Variants in KHDRBS2 observed in about 807,000 individuals in gnomAD.
KHDRBS2 encodes KH domain-containing, RNA-binding, signal transduction-associated protein 2.
Under a neutral mutation model 44.3 loss-of-function variants are expected in KHDRBS2, and 26 were observed. The observed-to-expected ratio is 0.59, with a 90% confidence interval of 0.43 to 0.81. KHDRBS2 has a LOEUF of 0.81. KHDRBS2 is among the 40% of genes least tolerant of loss of function. The pLI is 0.00. For synonymous variants in KHDRBS2, 194 were observed against 151.1 expected (o/e 1.28, Z -2.08); for missense variants, 476 against 433.1 (o/e 1.10, Z -0.88).
At chr6:61,558,512 C>T in the KHDRBS2 span, among the ~76,000 whole-genome samples, 6 of 152,064 alleles carry the variant, frequency 3.9e-5, no homozygotes, top group East Asian at 1.9e-4. Context: ...CAGTGAGCCA[C>T]GATTATACCA....
At chr6:61,809,407 G>A (rs532958463) in intron 6 of KHDRBS2, among the ~76,000 whole-genome samples, 39 of 152,172 alleles carry the variant, frequency 2.6e-4, no homozygotes, top group South Asian at 1.2e-3. Flanking sequence ...AGAAACTTGG[G>A]CAACTTTTCA....
intron 4 of KHDRBS2, among the ~76,000 whole-genome samples, chr6:61,948,961 C>T (rs565708150): frequency 6.6e-6 from 1 of 152,118 alleles, no homozygotes; most frequent in African/African-American, 2.4e-5. Context: ...TCCATCCACC[C>T]ATGGGAGCTA....
At chr6:62,029,396 A>G (rs2127290379) in intron 3 of KHDRBS2, among the ~76,000 whole-genome samples, 1 of 152,070 alleles carries the variant, frequency 6.6e-6, no homozygotes, top group Middle Eastern at 3.4e-3. Flanking sequence ...AATTTATCTA[A>G]CATTCTTCTT....
At chr6:61,572,797 T>C in the KHDRBS2 span, among the ~76,000 whole-genome samples, 3 of 152,034 alleles carry the variant, frequency 2.0e-5, no homozygotes, top group African/African-American at 7.2e-5. Flanking sequence ...CTCAGCAAAA[T>C]TGGCACAGAA....
chr6:61,692,474 A>G (rs563689499), intron 8 of KHDRBS2, among the ~76,000 whole-genome samples: 3 of 151,994 alleles, frequency 2.0e-5, no homozygotes, highest in Non-Finnish European at 2.9e-5. Context: ...AGATAGTTTA[A>G]TATTTAATAT....
At chr6:61,793,772 TG>T (rs1351318012) in intron 6 of KHDRBS2, among the ~76,000 whole-genome samples, 2 of 152,218 alleles carry the variant, frequency 1.3e-5, no homozygotes, top group Non-Finnish European at 2.9e-5. Flanking sequence ...CACTTATTTT[TG>T]TAATGGTTAT....
chr6:62,075,225 G>A (rs1796103725), intron 2 of KHDRBS2, among the ~76,000 whole-genome samples: 1 of 151,814 alleles, frequency 6.6e-6, no homozygotes. Context: ...GGTCACGAGG[G>A]ACACATTGTC....
At chr6:61,807,671 T>C (rs1307115045) in intron 6 of KHDRBS2, among the ~76,000 whole-genome samples, 1 of 151,868 alleles carries the variant, frequency 6.6e-6, no homozygotes, top group African/African-American at 2.4e-5. Context: ...TCCTTGAAGG[T>C]TGAGGGTGGG....
intron 1 of KHDRBS2, among the ~76,000 whole-genome samples, chr6:62,279,210 G>T (rs1042831244): frequency 6.6e-6 from 1 of 152,198 alleles, no homozygotes; most frequent in South Asian, 2.1e-4. Context: ...GAGTAAAGAA[G>T]GACTTCCCTG....
the KHDRBS2 span, among the ~76,000 whole-genome samples, chr6:61,626,195 C>G: frequency 6.6e-6 from 1 of 152,060 alleles, no homozygotes; most frequent in African/African-American, 2.4e-5. Flanking sequence ...CAATAAATAG[C>G]CTAAATAGCA....
At chr6:62,121,871 T>C (rs1475904842) in intron 2 of KHDRBS2, among the ~76,000 whole-genome samples, 2 of 152,170 alleles carry the variant, frequency 1.3e-5, no homozygotes, top group East Asian at 3.9e-4. Flanking sequence ...TCTAGCTCAG[T>C]AAAATTTCTA....
chr6:61,803,509 C>G (rs116451918), intron 6 of KHDRBS2, among the ~76,000 whole-genome samples: 2 of 152,104 alleles, frequency 1.3e-5, no homozygotes, highest in African/African-American at 4.8e-5. Flanking sequence ...AGGAATTGTT[C>G]ATGGCATTTT....
At chr6:62,140,216 A>G (rs2150097404) in intron 2 of KHDRBS2, among the ~76,000 whole-genome samples, 1 of 152,322 alleles carries the variant, frequency 6.6e-6, no homozygotes, top group African/African-American at 2.4e-5. Flanking sequence ...GGTAAAAATC[A>G]TTAATACAAT....
chr6:62,072,611 G>C (rs1480952547), intron 2 of KHDRBS2, among the ~76,000 whole-genome samples: 1 of 152,070 alleles, frequency 6.6e-6, no homozygotes, highest in Non-Finnish European at 1.5e-5. Flanking sequence ...TGTGGTTTTT[G>C]TCTTTGGTTC....
In KHDRBS2 at chr6:62,153,526, C is replaced by T. The variant is rs528017371; in HGVS notation, c.219+23659G>A. Reference sequence around the variant, plus strand: ...TTAAGCACGAAAAAGTAACTAAGCACGATGCTTCCTCCCTTTACAAGAGTA... The same window carrying T: ...TTAAGCACGAAAAAGTAACTAAGCATGATGCTTCCTCCCTTTACAAGAGTA... On this transcript the variant is annotated intron_variant, in intron 2 of 8. Transcript: ENST00000281156. Among the ~76,000 whole-genome samples the T allele has an allele frequency of 2.4e-4, 37 of 151,932 alleles. No individual in the cohort carries two copies. The South Asian group carries it at 2.5e-3, about 10-fold the overall frequency.
intron 4 of KHDRBS2, among the ~76,000 whole-genome samples, chr6:61,923,479 G>T (rs942705828): frequency 1.3e-5 from 2 of 151,984 alleles, no homozygotes; most frequent in East Asian, 3.9e-4. Context: ...AGATATGTAA[G>T]GCCGTATGGG....
At chr6:61,595,806 G>A in the KHDRBS2 span, among the ~76,000 whole-genome samples, 4 of 151,546 alleles carry the variant, frequency 2.6e-5, no homozygotes, top group Admixed American at 2.6e-4. Context: ...AATAACTAAT[G>A]TTTTAGTATT....
At chr6:62,072,248 C>T (rs934761425) in intron 2 of KHDRBS2, among the ~76,000 whole-genome samples, 21 of 152,090 alleles carry the variant, frequency 1.4e-4, no homozygotes, top group Non-Finnish European at 1.3e-4. Flanking sequence ...TGGGCTGAGA[C>T]GATGGGGTTT....
chr6:61,978,950 A>G (rs1773289873), intron 3 of KHDRBS2, among the ~76,000 whole-genome samples: 1 of 152,122 alleles, frequency 6.6e-6, no homozygotes, highest in South Asian at 2.1e-4. Flanking sequence ...GGCAAAAACC[A>G]TAATTGCTTT....
Sources: allele counts gnomAD v4.1 joint callset (sites outside exome capture counted in the v4.1 genomes callset), GRCh38; gene constraint gnomAD v4.1.1; transcripts MANE v1.5; gene names NCBI Gene and HGNC (gene_info 2026-07-23, HGNC 2026-07-21).